OR14A2: variants seen among roughly 807,000 people sequenced by gnomAD.
The protein encoded by OR14A2 is olfactory receptor family 14 subfamily A member 2.
For synonymous variants in OR14A2, 114 were observed against 58.6 expected (o/e 1.95, Z -4.32); for missense variants, 237 against 152.9 (o/e 1.55, Z -2.90).
At chr1:247,724,738 G>A (rs538622922), upstream of OR14A2, among the ~76,000 whole-genome samples, 8 of 152,116 alleles carry the variant, frequency 5.3e-5, no homozygotes, top group African/African-American at 1.9e-4. Context: ...GTGCATATGT[G>A]TACTAAAGCC....
At chr1:247,735,929 T>G in the OR14A2 span, among the ~76,000 whole-genome samples, 1 of 152,238 alleles carries the variant, frequency 6.6e-6, no homozygotes, top group African/African-American at 2.4e-5. Context: ...CATTTCATTT[T>G]TATTTTCTTC....
At chr1:247,738,780 G>A in the OR14A2 span, 3 of 780,732 alleles carry the variant, frequency 3.8e-6, no homozygotes, top group Non-Finnish European at 7.2e-6. Context: ...TCTCCACATG[G>A]CAATGTACTT....
At chr1:247,738,587 C>G in the OR14A2 span, 1 of 741,336 alleles carries the variant, frequency 1.3e-6, no homozygotes, top group South Asian at 1.5e-5. Context: ...TTTTCCTTTA[C>G]TCCATAGGGC....
At chr1:247,744,543 G>C in the OR14A2 span, among the ~76,000 whole-genome samples, 2 of 152,246 alleles carry the variant, frequency 1.3e-5, no homozygotes, top group South Asian at 4.1e-4. The surrounding 1 kb of genome is among the most constrained non-coding windows in gnomAD (Gnocchi z 4.3). Context: ...ATTTGTGGGG[G>C]TTAAGAGTTT....
the OR14A2 span, among the ~76,000 whole-genome samples, chr1:247,730,852 C>G: frequency 6.6e-6 from 1 of 152,054 alleles, no homozygotes; most frequent in Non-Finnish European, 1.5e-5. Flanking sequence ...TTTGTACTCT[C>G]ATTGGATTGG....
upstream of OR14A2, among the ~76,000 whole-genome samples, chr1:247,727,512 A>G (rs927438710): frequency 6.6e-6 from 1 of 152,014 alleles, no homozygotes; most frequent in Non-Finnish European, 1.5e-5. Flanking sequence ...AATTAAAAGA[A>G]CTAGAAAAGC....
rs1244697506 is a variant in OR14A2 at position 247,723,742 on chromosome 1, A to T, written c.302T>A (p.Leu101Ter). Residue 101 changes from leucine (L) to a stop codon, truncating the protein, a stop_gained, in exon 1 of 1, where the codon TTA becomes TAA. Transcript: ENST00000366485. LOFTEE classifies it low-confidence loss of function (END_TRUNC). ...CTCTCCTGCTGAGAAGGAAGTCATT[A>T]AAAGTAGCTGGAAGGCACATCCTAG... The T allele has an allele frequency of 1.4e-6, 1 of 718,446 alleles. No homozygotes were observed. Among genetic ancestry groups the T allele is most frequent in the Non-Finnish European group, 2.6e-6 (1 of 385,066 alleles). 44.5% of individuals were successfully genotyped at this position (718,446 alleles called of 1,614,324 possible). A position where few individuals can be genotyped will look rare whatever the true frequency, so the allele number is the denominator to read the frequency against.
At chr1:247,733,054 C>T in the OR14A2 span, among the ~76,000 whole-genome samples, 1 of 152,018 alleles carries the variant, frequency 6.6e-6, no homozygotes, top group Non-Finnish European at 1.5e-5. Flanking sequence ...AATGAAAGTA[C>T]GAGGTCCCCC....
chr1:247,731,028 A>G, the OR14A2 span, among the ~76,000 whole-genome samples: 1 of 152,156 alleles, frequency 6.6e-6, no homozygotes, highest in African/African-American at 2.4e-5. Flanking sequence ...ATTAACTATC[A>G]TAGCCCATAT....
upstream of OR14A2, among the ~76,000 whole-genome samples, chr1:247,727,134 T>G (rs891237293): frequency 1.3e-5 from 2 of 150,034 alleles, no homozygotes; most frequent in African/African-American, 5.0e-5. Context: ...AGTATGGCCA[T>G]TTTCACGATA....
upstream of OR14A2, among the ~76,000 whole-genome samples, chr1:247,727,673 T>C (rs1336499573): frequency 1.1e-4 from 16 of 147,088 alleles, no homozygotes; most frequent in Non-Finnish European, 2.1e-4. Context: ...GATAGACCGC[T>C]AGCAAGACTA....
chr1:247,746,857 A>G, the OR14A2 span: 4 of 152,216 alleles, frequency 2.6e-5, no homozygotes, highest in Non-Finnish European at 5.9e-5. Context: ...ATTCTGAAGA[A>G]AATAAAACAA....
chr1:247,748,141 T>A, the OR14A2 span, among the ~76,000 whole-genome samples: 2 of 152,204 alleles, frequency 1.3e-5, no homozygotes, highest in African/African-American at 4.8e-5. Flanking sequence ...TATTTCTAAT[T>A]ACATCATGTT....
At chr1:247,745,389 G>GAA in the OR14A2 span, among the ~76,000 whole-genome samples, 2 of 146,594 alleles carry the variant, frequency 1.4e-5, no homozygotes, top group African/African-American at 5.0e-5. Context: ...TGGTAGCTTG[G>GAA]AAAAAAAAAT....
At chr1:247,735,915 T>C in the OR14A2 span, among the ~76,000 whole-genome samples, 1 of 152,206 alleles carries the variant, frequency 6.6e-6, no homozygotes, top group Non-Finnish European at 1.5e-5. Context: ...CTAAATTACT[T>C]AGACATTTCA....
At chr1:247,725,507 T>G (rs1660321735), upstream of OR14A2, among the ~76,000 whole-genome samples, 1 of 150,552 alleles carries the variant, frequency 6.6e-6, no homozygotes, top group African/African-American at 2.4e-5. Flanking sequence ...ATTTATTTAT[T>G]TATTTATTTT....
chr1:247,726,457 G>A (rs1180314277), upstream of OR14A2, among the ~76,000 whole-genome samples: 40 of 132,700 alleles, frequency 3.0e-4, no homozygotes, highest in Admixed American at 1.1e-3. Flanking sequence ...AGTAGGTTGC[G>A]AAAATTTTCT....
the OR14A2 span, among the ~76,000 whole-genome samples, chr1:247,733,086 T>C: frequency 1.1e-4 from 16 of 151,598 alleles, no homozygotes; most frequent in Admixed American, 1.1e-3. Context: ...CCCTCAGGAG[T>C]TTCTTACTCT....
chr1:247,732,374 C>T, the OR14A2 span, among the ~76,000 whole-genome samples: 1,283 of 152,238 alleles, frequency 8.4e-3, 12 homozygotes, highest in African/African-American at 0.028. Flanking sequence ...AATGGTCAAG[C>T]GCCCTTACAA....
Sources: allele counts gnomAD v4.1 joint callset (sites outside exome capture counted in the v4.1 genomes callset), GRCh38; gene constraint gnomAD v4.1.1; non-coding constraint Gnocchi (gnomAD v3.1); transcripts MANE v1.5; gene names NCBI Gene and HGNC (gene_info 2026-07-23, HGNC 2026-07-21).